CLVS2: variants seen among roughly 807,000 people sequenced by gnomAD.
CLVS2 encodes the protein clavesin 2.
A neutral mutation model predicts 29.0 loss-of-function variants in CLVS2; 19 were observed. That is an observed-to-expected ratio of 0.66 (90% CI 0.46 to 0.96). The LOEUF (loss-of-function observed/expected upper bound fraction) is 0.96. CLVS2 is among the 40% of genes least tolerant of loss of function. CLVS2 has a pLI of 0.00. For synonymous variants in CLVS2, 161 were observed against 151.3 expected (o/e 1.06, Z -0.47); for missense variants, 294 against 404.1 (o/e 0.73, Z 2.34).
intron 3 of CLVS2, among the ~76,000 whole-genome samples, chr6:123,042,489 G>T (rs926298368): frequency 6.6e-6 from 1 of 152,128 alleles, no homozygotes; most frequent in Admixed American, 6.5e-5. Context: ...GTGGACAGAG[G>T]TGGAGCTGCC....
At chr6:123,002,149 C>A (rs1265501064) in intron 2 of CLVS2, among the ~76,000 whole-genome samples, 1 of 152,122 alleles carries the variant, frequency 6.6e-6, no homozygotes, top group Non-Finnish European at 1.5e-5. Context: ...CATTCGAAAA[C>A]AAACACAGTT....
intron 2 of CLVS2, among the ~76,000 whole-genome samples, chr6:123,008,983 T>C (rs1330626885): frequency 1.3e-5 from 2 of 152,182 alleles, no homozygotes; most frequent in Non-Finnish European, 2.9e-5. Flanking sequence ...ATAATACTAA[T>C]AGCCTATCCT....
intron 3 of CLVS2, among the ~76,000 whole-genome samples, chr6:123,046,021 A>G (rs1472163660): frequency 1.3e-5 from 2 of 152,152 alleles, no homozygotes; most frequent in African/African-American, 4.8e-5. Flanking sequence ...AGTGAAGGGG[A>G]GGCAGGAAAA....
intron 3 of CLVS2, among the ~76,000 whole-genome samples, chr6:123,017,088 ATG>A (rs61643251): frequency 0.4 from 59,758 of 148,934 alleles, 11,913 homozygotes; most frequent in South Asian, 0.47. Context: ...GCATGTGTGT[ATG>A]TGTGTGTGTG....
chr6:123,004,867 C>T (rs975051941), intron 2 of CLVS2, among the ~76,000 whole-genome samples: 3 of 151,942 alleles, frequency 2.0e-5, no homozygotes, highest in East Asian at 3.9e-4. Context: ...CAGCTGAGAT[C>T]GTGCCATTGC....
intron 1 of CLVS2, among the ~76,000 whole-genome samples, chr6:122,996,947 G>A (rs1254686101): frequency 1.3e-5 from 2 of 151,164 alleles, no homozygotes; most frequent in Non-Finnish European, 2.9e-5. Context: ...AAGGGCTAGA[G>A]GAAGGCAGAA....
Position 123,014,318 on chromosome 6 carries a change from C to A in CLVS2, c.564+3159C>A, listed in dbSNP as rs573239322. 9.9e-4 allele frequency among the ~76,000 whole-genome samples: 118 copies of A among 119,402 alleles called. 2 individuals carry two copies. The South Asian group carries it at 0.038, about 39-fold the overall frequency. 78.3% of individuals were successfully genotyped at this position (119,402 alleles called of 152,430 possible). On this transcript the variant is annotated intron_variant, in intron 3 of 5. Transcript: ENST00000275162. ...TCCTATTTCTCCACATCCTCTCCAGCACCTGTTGTTTCCTGACTTTTTTTT... is the reference window on the plus strand; with the variant it reads ...TCCTATTTCTCCACATCCTCTCCAGAACCTGTTGTTTCCTGACTTTTTTTT...
intron 2 of CLVS2, among the ~76,000 whole-genome samples, chr6:123,009,955 A>C (rs1011792585): frequency 2.0e-5 from 3 of 152,042 alleles, no homozygotes; most frequent in Admixed American, 6.6e-5. Context: ...AGCTTGCTTG[A>C]TATACCTCTC....
At chr6:123,019,782 C>T (rs947480602) in intron 3 of CLVS2, among the ~76,000 whole-genome samples, 1 of 151,938 alleles carries the variant, frequency 6.6e-6, no homozygotes, top group African/African-American at 2.4e-5. Context: ...GCTGAGAAGT[C>T]CCAGAATATG....
chr6:123,053,893 T>C (rs1347135009), intron 4 of CLVS2, among the ~76,000 whole-genome samples: 1 of 151,940 alleles, frequency 6.6e-6, no homozygotes, highest in Non-Finnish European at 1.5e-5. Context: ...GGTGGAGAGG[T>C]TGCCCTTTGT....
intron 2 of CLVS2, among the ~76,000 whole-genome samples, chr6:123,006,601 T>C (rs1774672477): frequency 6.6e-6 from 1 of 152,054 alleles, no homozygotes; most frequent in Non-Finnish European, 1.5e-5. Context: ...TGAATAAATG[T>C]AGAGGGAGAA....
In CLVS2 at chr6:123,069,491, A is replaced by G. The variant is rs1327781777; in HGVS notation, c.*5730A>G. 1 of 151,806 alleles carries G rather than the reference A, an allele frequency of 6.6e-6. No individual in the cohort carries two copies. The highest frequency in any genetic ancestry group is 1.5e-5 in the Non-Finnish European group (1 of 67,846). The allele number at this position is 151,806 out of a possible 1,614,324, so 9.4% of individuals were successfully genotyped here. On this transcript the variant is annotated 3_prime_UTR_variant, in exon 6 of 6. Transcript: ENST00000275162. ...AATAAGGTATAAGAGACTCAATTACATTTACCTAGAACCATCTACAAGTAG... is the reference window on the plus strand; with the variant it reads ...AATAAGGTATAAGAGACTCAATTACGTTTACCTAGAACCATCTACAAGTAG...
At chr6:123,025,603 C>T (rs997324664) in intron 3 of CLVS2, among the ~76,000 whole-genome samples, 21 of 152,238 alleles carry the variant, frequency 1.4e-4, no homozygotes, top group African/African-American at 2.9e-4. Context: ...CAGGAATGTT[C>T]GCTGCTGATA....
chr6:122,998,181 C>A lies in CLVS2; in HGVS notation c.389+15C>A, dbSNP rs1158652353. 6 of 1,603,480 alleles carry A rather than the reference C, an allele frequency of 3.7e-6. No individual in the cohort carries two copies. Among genetic ancestry groups the A allele is most frequent in the Non-Finnish European group, 5.1e-6 (6 of 1,178,028 alleles). ...GATCAGAGCAGGTAAATCCTAAATC[C>A]AAACTTGTATTCTCCTTTTACTCTC... is the stretch of plus-strand genomic sequence containing the variant. On this transcript the variant is annotated intron_variant, in intron 2 of 5. Transcript: ENST00000275162.
chr6:123,067,695 A>G lies in CLVS2; in HGVS notation c.*3934A>G, dbSNP rs1772883614. 2 of 151,622 alleles carry G rather than the reference A, an allele frequency of 1.3e-5. No individual in the cohort carries two copies. Among genetic ancestry groups the G allele is most frequent in the Admixed American group, 1.3e-4 (2 of 15,180 alleles). The allele number at this position is 151,622 out of a possible 1,614,324, so 9.4% of individuals were successfully genotyped here. ...ATATTCCATTGTAGATCTGCTATAT[A>G]AATACATAGCCTGAAACATAGTAAT... On this transcript the variant is annotated 3_prime_UTR_variant, in exon 6 of 6. Coordinates refer to ENST00000275162, the MANE Select transcript of CLVS2 (RefSeq NM_001010852.4).
Position 122,997,603 on chromosome 6 carries a change from G to T in CLVS2, c.-175G>T, listed in dbSNP as rs1435370511. On this transcript the variant is annotated 5_prime_UTR_variant, in exon 2 of 6. Transcript: ENST00000275162. ...CCCGGCCCCCCCAGCTTTGCTGGGG[G>T]AAAGCAGGAGCAACAGGGCACTTGA... 2 of 653,344 alleles carry T rather than the reference G, an allele frequency of 3.1e-6. No individual in the cohort carries two copies. Among genetic ancestry groups the T allele is most frequent in the Non-Finnish European group, 2.6e-6 (1 of 379,826 alleles). 40.5% of individuals were successfully genotyped at this position (653,344 alleles called of 1,614,324 possible).
Position 123,068,185 on chromosome 6 carries a change from T to G in CLVS2, c.*4424T>G, listed in dbSNP as rs957281448. ...GTGGATTGAAACACTCAAATTAGCC[T>G]TTTTTTCAAGGAAGCAGGTGTACAA... is the stretch of plus-strand genomic sequence containing the variant. On this transcript the variant is annotated 3_prime_UTR_variant, in exon 6 of 6. Transcript: ENST00000275162. 6.6e-6 allele frequency: 1 copy of G among 151,348 alleles called. No individual in the cohort carries two copies. Among genetic ancestry groups the G allele is most frequent in the Non-Finnish European group, 1.5e-5 (1 of 67,558 alleles). The allele number at this position is 151,348 out of a possible 1,614,324, so 9.4% of individuals were successfully genotyped here. A position where few individuals can be genotyped will look rare whatever the true frequency, so the allele number is the denominator to read the frequency against.
intron 5 of CLVS2, among the ~76,000 whole-genome samples, chr6:123,060,312 A>C (rs1416396398): frequency 6.6e-6 from 1 of 152,226 alleles, no homozygotes; most frequent in African/African-American, 2.4e-5. Flanking sequence ...TAAGTATTTT[A>C]GAACTGGAGA....
In CLVS2 at chr6:123,067,877, G is replaced by T. The variant is rs569202819; in HGVS notation, c.*4116G>T. ...CTTGTTTTTGTCTTTGGTTTTAGTT[G>T]AAAAAATAGCTTCCCATATGCTACT... On this transcript the variant is annotated 3_prime_UTR_variant, in exon 6 of 6. Coordinates refer to ENST00000275162, the MANE Select transcript of CLVS2 (RefSeq NM_001010852.4). 3.3e-5 allele frequency: 5 copies of T among 151,542 alleles called. No homozygotes were observed. The highest frequency in any genetic ancestry group is 5.9e-5 in the Non-Finnish European group (4 of 67,650). The allele number at this position is 151,542 out of a possible 1,614,324, so 9.4% of individuals were successfully genotyped here. A position where few individuals can be genotyped will look rare whatever the true frequency, so the allele number is the denominator to read the frequency against.
Sources: allele counts gnomAD v4.1 joint callset (sites outside exome capture counted in the v4.1 genomes callset), GRCh38; gene constraint gnomAD v4.1.1; transcripts MANE v1.5; gene names NCBI Gene and HGNC (gene_info 2026-07-23, HGNC 2026-07-21).